OR2L13: variants seen among roughly 807,000 people sequenced by gnomAD.
OR2L13 encodes the protein olfactory receptor 2L13.
OR2L13 carries 14 observed loss-of-function variants against 15.3 expected under a neutral mutation model. The observed-to-expected ratio is 0.91, with a 90% CI of 0.60 to 1.43. The LOEUF (loss-of-function observed/expected upper bound fraction) is 1.43. Among genes scored for constraint, OR2L13 ranks in the 40% most tolerant of loss-of-function variants. OR2L13 has a pLI of 0.00. For synonymous variants in OR2L13, 152 were observed against 142.9 expected (o/e 1.06, Z -0.45); for missense variants, 367 against 387.9 (o/e 0.95, Z 0.45).
chr1:247,984,229 C>CATTATT, the OR2L13 span, among the ~76,000 whole-genome samples: 5,907 of 148,474 alleles, frequency 0.04, 357 homozygotes, highest in African/African-American at 0.14. Context: ...GAAAATAAGT[C>CATTATT]ATTATTATTA....
chr1:248,074,007 A>G, the OR2L13 span, among the ~76,000 whole-genome samples: 1 of 152,240 alleles, frequency 6.6e-6, no homozygotes, highest in East Asian at 1.9e-4. Flanking sequence ...AAAAAATTAA[A>G]TCTCTGTTCT....
the OR2L13 span, among the ~76,000 whole-genome samples, chr1:248,025,843 G>GC: frequency 6.6e-6 from 1 of 151,022 alleles, no homozygotes; most frequent in Non-Finnish European, 1.5e-5. Flanking sequence ...GTAAACTATC[G>GC]CAAGAACAAA....
the OR2L13 span, chr1:247,990,707 C>G: frequency 1.9e-6 from 3 of 1,547,976 alleles, no homozygotes; most frequent in Non-Finnish European, 2.7e-6. Flanking sequence ...ATAACAGGAT[C>G]TTGGATGATA....
At chr1:247,949,780 G>A in the OR2L13 span, 38 of 1,611,182 alleles carry the variant, frequency 2.4e-5, no homozygotes, top group Non-Finnish European at 2.9e-5. Context: ...CAGAGAATCT[G>A]CTCTGTGAAA....
chr1:248,047,948 C>T, the OR2L13 span, among the ~76,000 whole-genome samples: 1 of 152,170 alleles, frequency 6.6e-6, no homozygotes. Flanking sequence ...TTATAAGATA[C>T]AGGGTCAGAC....
At chr1:248,070,889 A>G in the OR2L13 span, among the ~76,000 whole-genome samples, 1 of 152,226 alleles carries the variant, frequency 6.6e-6, no homozygotes, top group Non-Finnish European at 1.5e-5. Context: ...AAATGGATAA[A>G]TTCCTCGACA....
the OR2L13 span, among the ~76,000 whole-genome samples, chr1:247,959,001 A>T: frequency 6.6e-6 from 1 of 152,048 alleles, no homozygotes; most frequent in Non-Finnish European, 1.5e-5. Context: ...TTAGCTGGTT[A>T]TTTTGCTCGT....
At chr1:248,065,331 T>C in the OR2L13 span, among the ~76,000 whole-genome samples, 1 of 152,178 alleles carries the variant, frequency 6.6e-6, no homozygotes, top group Admixed American at 6.5e-5. Context: ...ATTTAGAAAT[T>C]TCTTAAGTAT....
chr1:248,038,095 A>T, the OR2L13 span: 2 of 507,290 alleles, frequency 3.9e-6, no homozygotes, highest in Non-Finnish European at 7.0e-6. Context: ...TTATAAATTA[A>T]AGTTTATAAT....
chr1:247,944,178 G>T, the OR2L13 span, among the ~76,000 whole-genome samples: 2 of 151,926 alleles, frequency 1.3e-5, no homozygotes, highest in Non-Finnish European at 2.9e-5. Context: ...GATCCTTTAA[G>T]ATTCATATAA....
chr1:248,061,483 A>G, the OR2L13 span: 9 of 1,613,882 alleles, frequency 5.6e-6, no homozygotes, highest in African/African-American at 1.3e-5. Flanking sequence ...GCGATCTCCA[A>G]CAGAGGACAA....
the OR2L13 span, among the ~76,000 whole-genome samples, chr1:247,982,320 T>C: frequency 1.4e-4 from 21 of 152,192 alleles, no homozygotes; most frequent in African/African-American, 4.6e-4. Context: ...ATAACTCTCT[T>C]CAAATCCTTG....
chr1:247,986,850 A>G, the OR2L13 span, among the ~76,000 whole-genome samples: 38 of 152,138 alleles, frequency 2.5e-4, no homozygotes, highest in African/African-American at 7.5e-4. Context: ...TTGTATTCCT[A>G]CGTATTTTAT....
chr1:248,069,781 T>C, the OR2L13 span, among the ~76,000 whole-genome samples: 1 of 151,978 alleles, frequency 6.6e-6, no homozygotes, highest in African/African-American at 2.4e-5. Context: ...CGGAGGAAGA[T>C]CTACCAGGGA....
At chr1:248,078,415 G>A in the OR2L13 span, among the ~76,000 whole-genome samples, 2 of 152,070 alleles carry the variant, frequency 1.3e-5, no homozygotes, top group African/African-American at 4.8e-5. Flanking sequence ...GGAAGTTGCA[G>A]TGAACTGAGA....
At chr1:247,951,598 T>G in the OR2L13 span, among the ~76,000 whole-genome samples, 1 of 152,254 alleles carries the variant, frequency 6.6e-6, no homozygotes, top group Non-Finnish European at 1.5e-5. Flanking sequence ...TTGTTGCAGT[T>G]AAAACACACA....
At chr1:247,960,215 T>C in the OR2L13 span, among the ~76,000 whole-genome samples, 1 of 152,200 alleles carries the variant, frequency 6.6e-6, no homozygotes, top group Admixed American at 6.5e-5. Context: ...CTCCAGACCC[T>C]GTTTACCTGG....
At chr1:247,965,368 GTT>G in the OR2L13 span, 1 of 1,603,206 alleles carries the variant, frequency 6.2e-7, no homozygotes, top group Non-Finnish European at 8.5e-7. Flanking sequence ...TGATATTTTG[GTT>G]TCAGCCATGA....
the OR2L13 span, among the ~76,000 whole-genome samples, chr1:248,081,302 C>A: frequency 1.3e-5 from 2 of 152,024 alleles, no homozygotes; most frequent in African/African-American, 4.8e-5. Context: ...AATACCACTT[C>A]TTTGAAACAT....
Sources: gnomAD v4.1 joint callset for allele counts (sites outside exome capture counted in the v4.1 genomes callset) on GRCh38, gnomAD v4.1.1 for gene constraint, MANE v1.5 for transcripts, NCBI Gene and HGNC (gene_info 2026-07-23, HGNC 2026-07-21) for gene names.